REC114: variants seen among roughly 807,000 people sequenced by gnomAD.
REC114 encodes REC114 meiotic recombination protein.
In REC114, 27 loss-of-function variants were observed where a neutral mutation model predicts 31.3. The observed-to-expected ratio is 0.86, with a 90% CI of 0.64 to 1.19. The LOEUF is 1.19. Ranked by LOEUF, REC114 falls within the 50% of genes most tolerant of loss-of-function variation. The pLI, the probability that REC114 is intolerant of heterozygous loss-of-function variation, is 0.00. For synonymous variants in REC114, 134 were observed against 127.7 expected (o/e 1.05, Z -0.33); for missense variants, 344 against 326.9 (o/e 1.05, Z -0.40).
At chr15:73,521,281 C>A (rs1567886857) in intron 2 of REC114, among the ~76,000 whole-genome samples, 2 of 152,054 alleles carry the variant, frequency 1.3e-5, no homozygotes, top group African/African-American at 4.8e-5. Context: ...AACACTGTAC[C>A]TAGAATGACA....
intron 2 of REC114, among the ~76,000 whole-genome samples, chr15:73,487,945 C>T (rs746062761): frequency 1.3e-5 from 2 of 152,206 alleles, no homozygotes; most frequent in Non-Finnish European, 2.9e-5. Context: ...GCCTCCACAG[C>T]TTGTGCACCC....
At chr15:73,520,058 CTG>C (rs1029653139) in intron 2 of REC114, among the ~76,000 whole-genome samples, 3 of 152,104 alleles carry the variant, frequency 2.0e-5, no homozygotes, top group South Asian at 2.1e-4. Flanking sequence ...TCGTATAACA[CTG>C]TGAATGCATA....
intron 2 of REC114, among the ~76,000 whole-genome samples, chr15:73,481,685 G>A (rs1251169346): frequency 8.0e-6 from 1 of 124,294 alleles, no homozygotes; most frequent in Non-Finnish European, 1.6e-5. Context: ...TTGAGGCGGA[G>A]TCTCACTCTG....
At chr15:73,550,674 T>C (rs530667358) in intron 3 of REC114, among the ~76,000 whole-genome samples, 2 of 152,316 alleles carry the variant, frequency 1.3e-5, no homozygotes, top group East Asian at 3.9e-4. Flanking sequence ...TATAGTGATC[T>C]TCCTGTCTTT....
chr15:73,508,961 G>A (rs1481883984), intron 2 of REC114, among the ~76,000 whole-genome samples: 4 of 150,414 alleles, frequency 2.7e-5, no homozygotes, highest in Admixed American at 1.3e-4. Flanking sequence ...TATATACCCA[G>A]TAATGGGATG....
intron 1 of REC114, among the ~76,000 whole-genome samples, chr15:73,462,803 T>C (rs990773631): frequency 6.9e-6 from 1 of 145,158 alleles, no homozygotes; most frequent in African/African-American, 2.6e-5. Context: ...GAGAATGGCG[T>C]GGACCTGGGA....
intron 2 of REC114, among the ~76,000 whole-genome samples, chr15:73,539,372 C>T (rs1323374011): frequency 1.5e-5 from 2 of 137,216 alleles, no homozygotes; most frequent in African/African-American, 5.4e-5. Context: ...CTCACTGCAA[C>T]CTCCGCCTCC....
rs1893270886 is a variant in REC114, at chr15:73,480,007, T to G, written c.249+6086T>G. On this transcript the variant is annotated intron_variant, in intron 2 of 5. Coordinates refer to ENST00000331090, the MANE Select transcript of REC114 (RefSeq NM_001042367.2). The stretch of plus-strand genomic sequence containing the variant: ...TCTATTTATAATTTTTTGAGGAAAC[T>G]CCATACTATTTCCCAAAATGGCTAT... 2.6e-5 allele frequency among the ~76,000 whole-genome samples: 4 copies of G among 152,270 alleles called. No individual in the cohort carries two copies. In the South Asian group the frequency reaches 8.3e-4, roughly 32 times the overall value.
chr15:73,498,502 G>A (rs1192745258), intron 2 of REC114, among the ~76,000 whole-genome samples: 3 of 152,100 alleles, frequency 2.0e-5, no homozygotes, highest in Admixed American at 2.0e-4. Context: ...AGCACCATGA[G>A]GTGGCAAATT....
chr15:73,483,900 G>A (rs1230931474), intron 2 of REC114: 1 of 152,230 alleles, frequency 6.6e-6, no homozygotes, highest in Non-Finnish European at 1.5e-5. Context: ...CTGGGTCACT[G>A]CCTGGGTCCA....
At chr15:73,523,820 G>C (rs552483187) in intron 2 of REC114, among the ~76,000 whole-genome samples, 1 of 152,108 alleles carries the variant, frequency 6.6e-6, no homozygotes, top group Non-Finnish European at 1.5e-5. Context: ...TATAGTTTCA[G>C]CTAGTACATT....
intron 2 of REC114, among the ~76,000 whole-genome samples, chr15:73,526,890 T>C (rs1894016023): frequency 1.3e-5 from 2 of 152,226 alleles, no homozygotes; most frequent in Non-Finnish European, 2.9e-5. Context: ...AATAATCAGT[T>C]TGACCCTTTT....
chr15:73,538,419 G>T (rs1894189359), intron 2 of REC114, among the ~76,000 whole-genome samples: 1 of 148,274 alleles, frequency 6.7e-6, no homozygotes, highest in Non-Finnish European at 1.5e-5. Context: ...TGATACTAGA[G>T]AACTTTAAAT....
At chr15:73,507,391 T>G (rs1893694588) in intron 2 of REC114, among the ~76,000 whole-genome samples, 1 of 152,116 alleles carries the variant, frequency 6.6e-6, no homozygotes, top group Admixed American at 6.5e-5. Context: ...CAGCTATCGT[T>G]AATGTTAGTG....
intron 2 of REC114, among the ~76,000 whole-genome samples, chr15:73,489,114 A>C (rs1893410939): frequency 6.6e-6 from 1 of 151,758 alleles, no homozygotes; most frequent in African/African-American, 2.4e-5. Context: ...TTTTTGCTAC[A>C]TCCTCCATAG....
intron 3 of REC114, among the ~76,000 whole-genome samples, chr15:73,542,201 G>T (rs1303289157): frequency 6.6e-6 from 1 of 151,562 alleles, no homozygotes; most frequent in Non-Finnish European, 1.5e-5. Flanking sequence ...GGTGGTGGTA[G>T]ATGCCTGTAA....
intron 2 of REC114, among the ~76,000 whole-genome samples, chr15:73,484,333 T>C (rs1893337193): frequency 6.6e-6 from 1 of 152,084 alleles, no homozygotes; most frequent in Non-Finnish European, 1.5e-5. Context: ...GTCACCCTTA[T>C]ATATCAAGTT....
intron 1 of REC114, among the ~76,000 whole-genome samples, chr15:73,465,105 T>A (rs1273424667): frequency 6.6e-6 from 1 of 152,174 alleles, no homozygotes; most frequent in Non-Finnish European, 1.5e-5. Flanking sequence ...TTGGCCAGAC[T>A]GGTTTCAAAC....
intron 2 of REC114, among the ~76,000 whole-genome samples, chr15:73,499,818 T>C (rs1893580009): frequency 6.6e-6 from 1 of 152,206 alleles, no homozygotes; most frequent in African/African-American, 2.4e-5. Flanking sequence ...CTCTGCAGTT[T>C]TGCTTTTCAC....
Sources: gnomAD v4.1 joint callset for allele counts (sites outside exome capture counted in the v4.1 genomes callset) on GRCh38, gnomAD v4.1.1 for gene constraint, MANE v1.5 for transcripts, NCBI Gene and HGNC (gene_info 2026-07-23, HGNC 2026-07-21) for gene names.